The following RYR1 variants were observed in gnomAD, a reference collection of about 807,000 sequenced individuals.
RYR1 encodes the protein central core disease of muscle.
A neutral mutation model predicts 583.5 loss-of-function variants in RYR1; 342 were observed. The observed-to-expected ratio is 0.59, with a 90% confidence interval of 0.54 to 0.64. The LOEUF (loss-of-function observed/expected upper bound fraction) is 0.64. Among genes scored for constraint, RYR1 ranks in the 30% least tolerant of loss-of-function variants. The pLI is 0.00. For missense variants in RYR1, 6,032 were observed against 6,917.2 expected (o/e 0.87, Z 4.54); for synonymous variants, 2,791 against 2,822.5 (o/e 0.99, Z 0.35).
chr19:38,493,231 T>C (rs1297013409), intron 38 of RYR1, among the ~76,000 whole-genome samples: 2 of 152,174 alleles, frequency 1.3e-5, no homozygotes, highest in African/African-American at 2.4e-5. Context: ...TCCGTGGCCT[T>C]GGGGCTTCTC....
In RYR1 at chr19:38,500,562, A is replaced by G; in HGVS notation, c.7324-44A>G. The G allele has an allele frequency of 6.2e-7, 1 of 1,611,026 alleles. No homozygotes were observed. Among genetic ancestry groups the G allele is most frequent in the Non-Finnish European group, 8.5e-7 (1 of 1,179,638 alleles). ...GAGCAGAGCAGTCACTGAGTGGGGC[A>G]CCAGCGCCTGATGAGTGCCCCTCTC... On this transcript the variant is annotated intron_variant, in intron 45 of 105. Transcript: ENST00000359596. The surrounding 1 kb of genome is among the most constrained non-coding windows in gnomAD (Gnocchi z 5.9).
In RYR1 at chr19:38,525,521, C is replaced by A; in HGVS notation, c.10626+19C>A. On this transcript the variant is annotated intron_variant, in intron 71 of 105. Transcript: ENST00000359596. Reference sequence around the variant, plus strand: ...CGCCCTGGTGCCTGCCCAGCCCCGTCCTCGGAACCTTCCAGGATGCCGCCC... The same window carrying A: ...CGCCCTGGTGCCTGCCCAGCCCCGTACTCGGAACCTTCCAGGATGCCGCCC... The A allele has an allele frequency of 6.2e-7, 1 of 1,612,384 alleles. No homozygotes were observed. Among genetic ancestry groups the A allele is most frequent in the Middle Eastern group, 1.7e-4 (1 of 5,908 alleles).
intron 89 of RYR1, among the ~76,000 whole-genome samples, chr19:38,549,232 T>G (rs149411228): frequency 1.5e-4 from 23 of 152,224 alleles, no homozygotes; most frequent in African/African-American, 5.5e-4. Context: ...CCATCCTAAC[T>G]CTCCATCTTT....
In RYR1 at chr19:38,463,476, C is replaced by T. The variant is rs777656283; in HGVS notation, c.2631C>T (p.Ile877=). 2.6e-5 allele frequency: 42 copies of T among 1,613,744 alleles called. No individual in the cohort carries two copies. The highest frequency in any genetic ancestry group is 4.0e-5 in the African/African-American group (3 of 74,940). Residue 877 remains isoleucine (I), a synonymous_variant, in exon 21 of 106, where the codon ATC becomes ATT. Transcript: ENST00000359596. ...TTCGGGAGAAGCTGGCGGAGAACAT[C>T]CACGAGCTCTGGGCGCTAACCCGCA... ...ERIREKLAEN[I]HELWALTRIE... is the part of the protein sequence containing the mutation.
At chr19:38,583,297 CAAAAAAAAA>C (rs1195725551) in intron 101 of RYR1, among the ~76,000 whole-genome samples, 1 of 67,560 alleles carries the variant, frequency 1.5e-5, no homozygotes, top group Non-Finnish European at 3.2e-5. Flanking sequence ...AACTCCATCT[CAAAAAAAAA>C]AAAAAAAGAA....
Position 38,512,476 on chromosome 19 carries a change from C to T in RYR1, c.9465C>T (p.Asp3155=), listed in dbSNP as rs777818383. Reference sequence around the variant, plus strand: ...TCGCCCAGCACCAGTTCGGAGATGACGTCATCCGTAAGGGCGCCTGACCCA... The same window carrying T: ...TCGCCCAGCACCAGTTCGGAGATGATGTCATCCGTAAGGGCGCCTGACCCA... ...QHIAQHQFGD[D]VILDDVQVSC... is the part of the protein sequence containing the mutation. Residue 3155 remains aspartate (D), a synonymous_variant, in exon 63 of 106, where the codon GAC becomes GAT. Coordinates refer to ENST00000359596, the MANE Select transcript of RYR1 (RefSeq NM_000540.3). The surrounding 1 kb of genome is among the most constrained non-coding windows in gnomAD (Gnocchi z 5.1). The T allele has an allele frequency of 1.2e-5, 19 of 1,610,980 alleles. No homozygotes were observed. Among genetic ancestry groups the T allele is most frequent in the Middle Eastern group, 1.6e-4 (1 of 6,084 alleles).
intron 31 of RYR1, among the ~76,000 whole-genome samples, chr19:38,478,827 G>C (rs527658584): frequency 6.6e-6 from 1 of 152,278 alleles, no homozygotes; most frequent in Admixed American, 6.5e-5. Flanking sequence ...GAGTGCAATG[G>C]GACGATCTTG....
intron 96 of RYR1, 24 bp from the exon 97 acceptor site, chr19:38,575,895 C>T (rs371766281): frequency 1.2e-5 from 19 of 1,613,730 alleles, no homozygotes; most frequent in Admixed American, 1.7e-5. Flanking sequence ...CTTATACTCA[C>T]GCTTTCTCTC....
intron 63 of RYR1, 33 bp from the exon 64 acceptor site, chr19:38,514,993 G>T (rs1164981912): frequency 3.9e-6 from 6 of 1,521,898 alleles, no homozygotes; most frequent in African/African-American, 1.4e-5. Context: ...TCTTGTGAGC[G>T]CATGCCGCAG....
At position 38,485,764 on chromosome 19, in the gene RYR1, A is replaced by C. The variant is rs200556164; in HGVS notation, c.5109A>C (p.Pro1703=). The C allele has an allele frequency of 5.6e-6, 9 of 1,613,176 alleles. No homozygotes were observed. In the East Asian group the frequency reaches 1.6e-4, roughly 28 times the overall value. The change falls in exon 34 of 106, where the codon CCA becomes CCC. Residue 1703 remains proline (P), a synonymous_variant. Transcript: ENST00000359596. ...LLHALEDAHL[P]GPLRAGYYDL... Reference sequence around the variant, plus strand: ...ACGCCCTGGAGGACGCGCACCTGCCAGGCCCACTGCGCGCAGGCTACTATG... The same window carrying C: ...ACGCCCTGGAGGACGCGCACCTGCCCGGCCCACTGCGCGCAGGCTACTATG...
chr19:38,457,687 T>A (rs957240969), intron 17 of RYR1, 57 bp downstream of exon 17: 1 of 1,561,820 alleles, frequency 6.4e-7, no homozygotes, highest in African/African-American at 1.4e-5. Flanking sequence ...TCTCCCTGAC[T>A]TAGAGACTCC....
chr19:38,501,325 G>A (rs956519563), intron 47 of RYR1, among the ~76,000 whole-genome samples: 11 of 151,962 alleles, frequency 7.2e-5, no homozygotes, highest in South Asian at 4.2e-4. Flanking sequence ...TGGTGAAACC[G>A]CATCTCTACT....
chr19:38,575,905 C>G lies in RYR1; in HGVS notation c.14130-14C>G. 1 of 1,614,032 alleles carries G rather than the reference C, an allele frequency of 6.2e-7. No homozygotes were observed. Among genetic ancestry groups the G allele is most frequent in the Non-Finnish European group, 8.5e-7 (1 of 1,179,874 alleles). ...AACATCTTATACTCACGCTTTCTCT[C>G]TCTCTCTCTGCAGGTCTTTCCCTAG... is the stretch of plus-strand genomic sequence containing the variant. On this transcript the variant is annotated splice_polypyrimidine_tract_variant and intron_variant, in intron 96 of 105. Transcript: ENST00000359596.
rs773947484 is a variant in RYR1, at chr19:38,496,467, G to T, written c.6722G>T (p.Arg2241Leu). 1.2e-6 allele frequency: 2 copies of T among 1,613,688 alleles called. No individual in the cohort carries two copies. Among genetic ancestry groups the T allele is most frequent in the East Asian group, 2.2e-5 (1 of 44,872 alleles). ...SCCRFLCYFC[R>L]ISRQNQRSMF... ...TGCCGCTTCCTCTGCTATTTCTGCC[G>T]AATCAGCCGGCAGAACCAGCGCTCC... is the stretch of plus-strand genomic sequence containing the variant. The change falls in exon 41 of 106, where the codon CGA becomes CTA. Residue 2241 changes from arginine to leucine, a missense_variant. Arg to Leu is a moderately radical substitution (Grantham distance 102). Coordinates refer to ENST00000359596, the MANE Select transcript of RYR1 (RefSeq NM_000540.3). This position sits in a 1 kb window ranked among gnomAD's most constrained non-coding sequence, Gnocchi z 4.8.
Position 38,481,601 on chromosome 19 carries a change from G to C in RYR1, c.4621-1426G>C, listed in dbSNP as rs547667060. 2.6e-4 allele frequency among the ~76,000 whole-genome samples: 40 copies of C among 152,142 alleles called. 2 individuals are homozygous for C. The South Asian group carries it at 8.3e-3, about 32-fold the overall frequency. ...GTGGCACTTTGCTCCTCAAAGTGTG[G>C]TCCCTGGACCAACCAGCAGGAGAGC... On this transcript the variant is annotated intron_variant, in intron 31 of 105. Coordinates refer to ENST00000359596, the MANE Select transcript of RYR1 (RefSeq NM_000540.3).
At position 38,466,093 on chromosome 19, in the gene RYR1, A is replaced by G; in HGVS notation, c.2873A>G (p.Tyr958Cys). The change falls in exon 24 of 106, where the codon TAT becomes TGT. Residue 958 changes from tyrosine (Y) to cysteine (C), a missense_variant and splice_region_variant. Coordinates refer to ENST00000359596, the MANE Select transcript of RYR1 (RefSeq NM_000540.3). ...NLKKTKLPKT[Y>C]MMSNGYKPAP... ...ATGGAGCCCTACCATGCCCGCAGGT[A>G]TATGATGAGCAATGGGTACAAGCCG... 6.2e-7 allele frequency: 1 copy of G among 1,609,164 alleles called. No homozygotes were observed. The highest frequency in any genetic ancestry group is 1.3e-5 in the African/African-American group (1 of 74,930).
At chr19:38,495,036 G>A (rs1969750501) in intron 39 of RYR1, among the ~76,000 whole-genome samples, 2 of 151,812 alleles carry the variant, frequency 1.3e-5, no homozygotes, top group South Asian at 4.2e-4. Flanking sequence ...ATATTTAGTA[G>A]AGACAGGGTT....
chr19:38,442,581 C>T lies in RYR1; in HGVS notation c.270+128C>T. On this transcript the variant is annotated intron_variant, in intron 3 of 105. Coordinates refer to ENST00000359596, the MANE Select transcript of RYR1 (RefSeq NM_000540.3). Reference sequence around the variant, plus strand: ...TCGCTTACCATCTGCTCTTCTTCCTCTCTCTGCCCTGCCCCCCACAGGCCC... The same window carrying T: ...TCGCTTACCATCTGCTCTTCTTCCTTTCTCTGCCCTGCCCCCCACAGGCCC... The T allele has an allele frequency of 1.6e-5, 11 of 685,344 alleles. No individual in the cohort carries two copies. The South Asian group carries it at 1.8e-4, about 11-fold the overall frequency. 42.5% of individuals were successfully genotyped at this position (685,344 alleles called of 1,614,324 possible). A position where few individuals can be genotyped will look rare whatever the true frequency, so the allele number is the denominator to read the frequency against.
At chr19:38,515,678 G>A (rs182641800) in intron 64 of RYR1, among the ~76,000 whole-genome samples, 16 of 152,094 alleles carry the variant, frequency 1.1e-4, no homozygotes, top group Admixed American at 3.3e-4. Flanking sequence ...GTGTAGTGGC[G>A]CTGGTGCCTG....
Sources: allele counts gnomAD v4.1 joint callset (sites outside exome capture counted in the v4.1 genomes callset), GRCh38; gene constraint gnomAD v4.1.1; non-coding constraint Gnocchi (gnomAD v3.1); transcripts MANE v1.5; gene names NCBI Gene and HGNC (gene_info 2026-07-23, HGNC 2026-07-21).